The following CACNG7 variants were observed in gnomAD, a reference collection of about 807,000 sequenced individuals.
CACNG7 encodes the protein calcium voltage-gated channel auxiliary subunit gamma 7.
In CACNG7, 9 loss-of-function variants were observed where a neutral mutation model predicts 26.3. The observed-to-expected ratio is 0.34, with a 90% CI of 0.21 to 0.60. CACNG7 has a LOEUF of 0.60. Among genes scored for constraint, CACNG7 ranks in the 20% least tolerant of loss-of-function variants. The probability of loss-of-function intolerance (pLI) is 0.81; values close to 1 mark genes in which losing one functional copy is unlikely to be tolerated. For synonymous variants in CACNG7, 170 were observed against 157.0 expected (o/e 1.08, Z -0.62); for missense variants, 297 against 380.4 (o/e 0.78, Z 1.82).
chr19:53,932,154 G>T (rs959153666), intron 4 of CACNG7, among the ~76,000 whole-genome samples: 1 of 150,920 alleles, frequency 6.6e-6, no homozygotes, highest in Non-Finnish European at 1.5e-5. Flanking sequence ...TCTGGAGGCT[G>T]AGGTGGAAGA....
chr19:53,924,613 G>C (rs545038564), intron 4 of CACNG7, among the ~76,000 whole-genome samples: 27 of 146,788 alleles, frequency 1.8e-4, no homozygotes, highest in South Asian at 1.8e-3. Flanking sequence ...TGCCCAGGCT[G>C]GTCATTGGTG....
rs1402311628 is a variant in CACNG7, at chr19:53,939,798, T to C, written c.425-1672T>C. On this transcript the variant is annotated intron_variant, in intron 4 of 5. Coordinates refer to ENST00000391767, the MANE Select transcript of CACNG7 (RefSeq NM_031896.5). This position sits in a 1 kb window ranked among gnomAD's most constrained non-coding sequence, Gnocchi z 4.2. ...CTTCTCTTGGGGACATACCTAGGAG[T>C]GGAATTGCTGGGTCATATGATAATT... Among the ~76,000 whole-genome samples the C allele has an allele frequency of 2.6e-5, 4 of 152,200 alleles. No homozygotes were observed.
rs1195809932 is a variant in CACNG7, at chr19:53,915,462, G to A, written c.381G>A (p.Arg127=). Residue 127 remains arginine (R), a synonymous_variant, in exon 4 of 6, where the codon AGG becomes AGA. Coordinates refer to ENST00000391767, the MANE Select transcript of CACNG7 (RefSeq NM_031896.5). ...ISNIGHIRPQ[R]TILAFVSGIF... ...ACATCGGCCACATCCGCCCGCAGAG[G>A]ACCATTCTGGCTTTTGTCTCTGGCA... is the stretch of plus-strand genomic sequence containing the variant. 1.9e-6 allele frequency: 3 copies of A among 1,614,000 alleles called. No homozygotes were observed. Among genetic ancestry groups the A allele is most frequent in the African/African-American group, 2.7e-5 (2 of 74,912 alleles).
chr19:53,911,121 C>A (rs1265837439), intron 1 of CACNG7, among the ~76,000 whole-genome samples: 1 of 151,502 alleles, frequency 6.6e-6, no homozygotes, highest in East Asian at 1.9e-4. Flanking sequence ...GGCTGAAGTG[C>A]AATGGTGCTA....
intron 4 of CACNG7, among the ~76,000 whole-genome samples, chr19:53,922,678 T>C (rs367761448): frequency 4.3e-5 from 3 of 70,146 alleles, no homozygotes; most frequent in Admixed American, 1.1e-4. Context: ...GGCTGGTCAT[T>C]GGTGGAGTTG....
rs552934530 is a variant in CACNG7 at position 53,917,583 on chromosome 19, G to A, written c.424+2078G>A. 5.9e-5 allele frequency among the ~76,000 whole-genome samples: 9 copies of A among 152,210 alleles called. No individual in the cohort carries two copies. In the East Asian group the frequency reaches 1.4e-3, roughly 23 times the overall value. ...CCAGGGAAAGCAGGGTGCAACCTCCGTGCAAACTTGAATCACAGCGGGTGG... is the reference window on the plus strand; with the variant it reads ...CCAGGGAAAGCAGGGTGCAACCTCCATGCAAACTTGAATCACAGCGGGTGG... On this transcript the variant is annotated intron_variant, in intron 4 of 5. Transcript: ENST00000391767.
At chr19:53,924,885 T>C (rs1296156927) in intron 4 of CACNG7, among the ~76,000 whole-genome samples, 3 of 133,426 alleles carry the variant, frequency 2.2e-5, no homozygotes, top group African/African-American at 2.8e-5. Flanking sequence ...TGGTCATTGG[T>C]GTACTTGCCC....
At chr19:53,924,199 T>TG (rs1353258056) in intron 4 of CACNG7, among the ~76,000 whole-genome samples, 6 of 143,468 alleles carry the variant, frequency 4.2e-5, no homozygotes, top group East Asian at 2.2e-4. Flanking sequence ...TTGGTGGAGT[T>TG]GTCCCAGGTC....
intron 4 of CACNG7, among the ~76,000 whole-genome samples, chr19:53,941,193 AC>A (rs1467712805): frequency 1.3e-5 from 2 of 151,996 alleles, no homozygotes; most frequent in Non-Finnish European, 2.9e-5. Context: ...TCCTTGTAGC[AC>A]CTATCACCTT....
chr19:53,923,509 AT>A (rs1161811035), intron 4 of CACNG7, among the ~76,000 whole-genome samples: 2 of 109,846 alleles, frequency 1.8e-5, no homozygotes, highest in African/African-American at 7.3e-5. Context: ...CAGGCTGGTC[AT>A]TGGTGGAGTT....
chr19:53,930,375 A>T (rs1198354363), intron 4 of CACNG7, among the ~76,000 whole-genome samples: 1 of 150,624 alleles, frequency 6.6e-6, no homozygotes, highest in Non-Finnish European at 1.5e-5. Flanking sequence ...CGCCAGGCTA[A>T]TTTTTTTTTA....
intron 4 of CACNG7, among the ~76,000 whole-genome samples, chr19:53,924,180 G>A (rs1276323223): frequency 1.4e-5 from 2 of 144,916 alleles, no homozygotes; most frequent in African/African-American, 5.2e-5. Context: ...TTGGTCCCAG[G>A]TCTGGTCATT....
At chr19:53,917,919 A>G (rs2068908959) in intron 4 of CACNG7, among the ~76,000 whole-genome samples, 2 of 152,314 alleles carry the variant, frequency 1.3e-5, no homozygotes, top group East Asian at 3.9e-4. Context: ...TGCACCAGGA[A>G]CTGACTGCCC....
Position 53,915,521 on chromosome 19 carries a change from T to A in CACNG7, c.424+16T>A, listed in dbSNP as rs1487799950. The A allele has an allele frequency of 4.3e-6, 7 of 1,612,940 alleles. No homozygotes were observed. On this transcript the variant is annotated intron_variant, in intron 4 of 5. Transcript: ENST00000391767. ...ATACTATCGGGTGAGCCTAAGGACT[T>A]GGGGGTTGGGGGGGACCATTTCCAG...
At chr19:53,914,427 C>T (rs957060536) in intron 2 of CACNG7, 73 bp from the exon 3 acceptor site, 3 of 1,311,352 alleles carry the variant, frequency 2.3e-6, no homozygotes, top group Non-Finnish European at 3.3e-6. Context: ...CTCTATCTGT[C>T]CTGCCCCCAC....
chr19:53,924,858 G>T (rs534935955), intron 4 of CACNG7, among the ~76,000 whole-genome samples: 1 of 146,646 alleles, frequency 6.8e-6, no homozygotes, highest in Non-Finnish European at 1.5e-5. Context: ...CTGGTCATTG[G>T]TGGACTTGCC....
intron 4 of CACNG7, among the ~76,000 whole-genome samples, chr19:53,923,623 G>C (rs1332979954): frequency 2.7e-4 from 38 of 140,916 alleles, no homozygotes; most frequent in South Asian, 4.9e-4. Context: ...GTCATTGGTG[G>C]AGTTGTCCCA....
Position 53,942,627 on chromosome 19 carries a change from C to T in CACNG7, c.*334C>T. 8.7e-7 allele frequency: 1 copy of T among 1,146,594 alleles called. No individual in the cohort carries two copies. Among genetic ancestry groups the T allele is most frequent in the Non-Finnish European group, 1.1e-6 (1 of 921,766 alleles). The allele number at this position is 1,146,594 out of a possible 1,614,324, so 71.0% of individuals were successfully genotyped here. On this transcript the variant is annotated 3_prime_UTR_variant, in exon 6 of 6. Coordinates refer to ENST00000391767, the MANE Select transcript of CACNG7 (RefSeq NM_031896.5). The surrounding 1 kb of genome is among the most constrained non-coding windows in gnomAD (Gnocchi z 5.9). ...TCCACCTGCTCTGAGCTGGGAGCAG[C>T]CAGAGGCGGTGCAAGCGCCCAGCTC...
Position 53,912,931 on chromosome 19 carries a change from C to G in CACNG7, c.100C>G (p.Leu34Val), listed in dbSNP as rs185024703. Reference protein sequence around the residue: ...VGIAVSTDYWLYMEEGTVLPQ... With the variant: ...VGIAVSTDYWVYMEEGTVLPQ... Reference sequence around the variant, plus strand: ...CATCGCGGTCAGCACTGACTACTGGCTGTACATGGAAGAAGGCACAGTGCT... The same window carrying G: ...CATCGCGGTCAGCACTGACTACTGGGTGTACATGGAAGAAGGCACAGTGCT... Residue 34 changes from leucine (L) to valine (V), a missense_variant, in exon 2 of 6, where the codon CTG becomes GTG. Transcript: ENST00000391767. This position sits in a 1 kb window ranked among gnomAD's most constrained non-coding sequence, Gnocchi z 4.6. 1.1e-5 allele frequency: 18 copies of G among 1,614,116 alleles called. No individual in the cohort carries two copies. The East Asian group carries it at 4.0e-4, about 36-fold the overall frequency.
Sources: gnomAD v4.1 joint callset for allele counts (sites outside exome capture counted in the v4.1 genomes callset) on GRCh38, gnomAD v4.1.1 for gene constraint, Gnocchi (gnomAD v3.1) non-coding constraint, MANE v1.5 for transcripts, NCBI Gene and HGNC (gene_info 2026-07-23, HGNC 2026-07-21) for gene names.